Variants in DBF4 observed in about 807,000 individuals in gnomAD.
DBF4 encodes the protein DBF4-CDC7 kinase regulatory subunit.
Under a neutral mutation model 76.6 loss-of-function variants are expected in DBF4, and 25 were observed. The ratio of observed to expected loss-of-function variants is 0.33; its 90% CI spans 0.24 to 0.46. The LOEUF (loss-of-function observed/expected upper bound fraction) is 0.46. Among genes scored for constraint, DBF4 ranks in the 20% least tolerant of loss-of-function variants. The pLI, the probability that DBF4 is intolerant of heterozygous loss-of-function variation, is 1.00. For missense variants in DBF4, 638 were observed against 760.8 expected (o/e 0.84, Z 1.90); for synonymous variants, 213 against 258.0 (o/e 0.83, Z 1.67).
chr7:87,876,616 A>C lies in DBF4; in HGVS notation c.-117A>C. On this transcript the variant is annotated 5_prime_UTR_variant, in exon 1 of 12. Coordinates refer to ENST00000265728, the MANE Select transcript of DBF4 (RefSeq NM_006716.4). ...GGTACCTCTACTGCGTAGAGGCCGT[A>C]GCTGGCGGAAGGAGAGAGGCGGCCG... 2.6e-6 allele frequency: 3 copies of C among 1,163,324 alleles called. No homozygotes were observed. Among genetic ancestry groups the C allele is most frequent in the Non-Finnish European group, 3.8e-6 (3 of 794,074 alleles). The allele number at this position is 1,163,324 out of a possible 1,614,324, so 72.1% of individuals were successfully genotyped here.
Position 87,900,765 on chromosome 7 carries a change from A to T in DBF4, c.811A>T (p.Ile271Phe). ...TTTACCATGTATGTCTGTCATCAGA[A>T]TCCAAACAGATGGCGATAAGTATGG... ...MQKQTQVKLR[I>F]QTDGDKYGGT... is the part of the protein sequence containing the mutation. The change falls in exon 10 of 12, where the codon ATC becomes TTC. Residue 271 changes from isoleucine to phenylalanine, a missense_variant and splice_region_variant. Physicochemically the swap from Ile to Phe is conservative, Grantham distance 21 (BLOSUM62 0). Coordinates refer to ENST00000265728, the MANE Select transcript of DBF4 (RefSeq NM_006716.4). 1 of 1,610,688 alleles carries T rather than the reference A, an allele frequency of 6.2e-7. No individual in the cohort carries two copies. The highest frequency in any genetic ancestry group is 1.1e-5 in the South Asian group (1 of 90,750).
chr7:87,895,032 C>G (rs915573697), intron 6 of DBF4, among the ~76,000 whole-genome samples: 8 of 152,094 alleles, frequency 5.3e-5, no homozygotes, highest in Non-Finnish European at 2.9e-5. Context: ...TTCCACAGAT[C>G]CCTGTGGCTC....
At position 87,900,366 on chromosome 7, in the gene DBF4, A is replaced by G; in HGVS notation, c.809+17A>G. ...TAAACTAAGGTTGGTTTGAATCTTTACTTTTAGAAGGAATATTCAGAATTT... is the reference window on the plus strand; with the variant it reads ...TAAACTAAGGTTGGTTTGAATCTTTGCTTTTAGAAGGAATATTCAGAATTT... On this transcript the variant is annotated intron_variant, in intron 9 of 11. Transcript: ENST00000265728. 1 of 1,575,258 alleles carries G rather than the reference A, an allele frequency of 6.3e-7. No individual in the cohort carries two copies. The highest frequency in any genetic ancestry group is 8.6e-7 in the Non-Finnish European group (1 of 1,169,004).
intron 2 of DBF4, among the ~76,000 whole-genome samples, chr7:87,880,084 A>G (rs1839175448): frequency 7.0e-6 from 1 of 143,680 alleles, no homozygotes; most frequent in Admixed American, 6.8e-5. Flanking sequence ...TTGTGTTTTT[A>G]TCAGTAGAAC....
chr7:87,907,069 TA>T, intron 11 of DBF4, 118 bp from the exon 12 acceptor site: 2 of 1,088,756 alleles, frequency 1.8e-6, no homozygotes, highest in South Asian at 4.6e-5. Flanking sequence ...TAAAATTTCC[TA>T]AGTTAAATAG....
chr7:87,892,929 A>G (rs1839529958), intron 6 of DBF4, among the ~76,000 whole-genome samples: 1 of 152,214 alleles, frequency 6.6e-6, no homozygotes, highest in Non-Finnish European at 1.5e-5. Context: ...AAAATTTATC[A>G]GAGTTACCCA....
rs760844255 is a variant in DBF4 at position 87,878,089 on chromosome 7, C to T, written c.83C>T (p.Ser28Phe). 1.5e-5 allele frequency: 24 copies of T among 1,609,656 alleles called. No homozygotes were observed. The highest frequency in any genetic ancestry group is 2.0e-5 in the Non-Finnish European group (24 of 1,179,012). The change falls in exon 2 of 12, where the codon TCT (serine) becomes TTT (phenylalanine). Residue 28 changes from serine (S) to phenylalanine (F), a missense_variant. Physicochemically the swap from Ser to Phe is radical, Grantham distance 155. Transcript: ENST00000265728. ...IQVKNEKNRP[S>F]LKSLKTDNRP... Reference sequence around the variant, plus strand: ...GTCAAAAATGAAAAAAACAGACCATCTCTGAAATCTCTGAAAACTGATAAC... The same window carrying T: ...GTCAAAAATGAAAAAAACAGACCATTTCTGAAATCTCTGAAAACTGATAAC...
At chr7:87,898,809 G>C (rs866302780) in intron 8 of DBF4, among the ~76,000 whole-genome samples, 1 of 140,260 alleles carries the variant, frequency 7.1e-6, no homozygotes, top group Admixed American at 7.1e-5. Context: ...AAAAAAAAAA[G>C]AACAACAAAG....
intron 3 of DBF4, 83 bp from the exon 4 acceptor site, chr7:87,886,760 AG>A (rs1839366272): frequency 2.4e-6 from 2 of 839,200 alleles, no homozygotes; most frequent in Admixed American, 5.1e-5. Flanking sequence ...GAGACCCAAA[AG>A]TTCTCTTTTC....
At chr7:87,877,985 A>G (rs997986888) in intron 1 of DBF4, 68 bp from the exon 2 acceptor site, 18 of 1,193,088 alleles carry the variant, frequency 1.5e-5, no homozygotes, top group Non-Finnish European at 1.8e-5. Context: ...GTAATATTGT[A>G]TAATGAAATA....
At chr7:87,890,817 A>G (rs2131055808) in intron 6 of DBF4, among the ~76,000 whole-genome samples, 1 of 152,330 alleles carries the variant, frequency 6.6e-6, no homozygotes, top group East Asian at 1.9e-4. Flanking sequence ...AACGAAGAAA[A>G]GATAAAATAG....
chr7:87,904,205 C>A, intron 10 of DBF4, 87 bp from the exon 11 acceptor site: 1 of 1,363,654 alleles, frequency 7.3e-7, no homozygotes. Flanking sequence ...ATTTTAGGGG[C>A]ATGAGAATGT....
intron 10 of DBF4, among the ~76,000 whole-genome samples, chr7:87,903,209 G>A (rs1839832492): frequency 6.6e-6 from 1 of 152,050 alleles, no homozygotes; most frequent in Non-Finnish European, 1.5e-5. Context: ...CAGCCTCTCT[G>A]GTAGTTGGGA....
intron 1 of DBF4, 141 bp downstream of exon 1, chr7:87,876,919 C>T: frequency 1.1e-6 from 1 of 892,808 alleles, no homozygotes; most frequent in Non-Finnish European, 1.7e-6. Context: ...GGAAGGAGCC[C>T]CCGTTCAGTG....
intron 8 of DBF4, among the ~76,000 whole-genome samples, chr7:87,898,584 G>C (rs1186991125): frequency 6.6e-6 from 1 of 152,088 alleles, no homozygotes; most frequent in Non-Finnish European, 1.5e-5. Context: ...GAGTTCAGGA[G>C]ATGGAGACCA....
chr7:87,885,809 C>A (rs1839334163), intron 3 of DBF4, among the ~76,000 whole-genome samples: 1 of 152,086 alleles, frequency 6.6e-6, no homozygotes, highest in Admixed American at 6.5e-5. Context: ...AGCCCCTATT[C>A]TAGAATTATT....
intron 5 of DBF4, 48 bp downstream of exon 5, chr7:87,887,446 A>C (rs1839385837): frequency 2.0e-6 from 3 of 1,503,130 alleles, no homozygotes; most frequent in South Asian, 2.5e-5. Flanking sequence ...TTAAGTGTCC[A>C]TGTCTGTCCT....
intron 6 of DBF4, 85 bp downstream of exon 6, chr7:87,888,144 A>G (rs1839406372): frequency 6.9e-7 from 1 of 1,439,654 alleles, no homozygotes; most frequent in African/African-American, 1.4e-5. Flanking sequence ...CAAGCAGAAA[A>G]TATCCTAGGG....
chr7:87,894,946 AT>A (rs1343956174), intron 6 of DBF4, among the ~76,000 whole-genome samples: 5 of 151,650 alleles, frequency 3.3e-5, no homozygotes, highest in Admixed American at 6.6e-5. Flanking sequence ...TATTTTGTTA[AT>A]TTTTTTTCTT....
Sources: gnomAD v4.1 joint callset for allele counts (sites outside exome capture counted in the v4.1 genomes callset) on GRCh38, gnomAD v4.1.1 for gene constraint, MANE v1.5 for transcripts, NCBI Gene and HGNC (gene_info 2026-07-23, HGNC 2026-07-21) for gene names.